The following DNAH5 variants were observed in gnomAD, a reference collection of about 807,000 sequenced individuals.
DNAH5 encodes dynein axonemal heavy chain 5, also known as axonemal beta dynein heavy chain 5.
A neutral mutation model predicts 518.2 loss-of-function variants in DNAH5; 372 were observed. The observed-to-expected ratio is 0.72, with a 90% CI of 0.66 to 0.78. The LOEUF (loss-of-function observed/expected upper bound fraction) is 0.78. Ranked by LOEUF, DNAH5 falls within the 30% of genes least tolerant of loss-of-function variation. DNAH5 has a pLI of 0.00. For synonymous variants in DNAH5, 2,039 were observed against 2,025.9 expected (o/e 1.01, Z -0.17); for missense variants, 5,523 against 5,687.0 (o/e 0.97, Z 0.93).
At chr5:13,837,387 G>T (rs143150853) in intron 35 of DNAH5, among the ~76,000 whole-genome samples, 1 of 152,158 alleles carries the variant, frequency 6.6e-6, no homozygotes, top group African/African-American at 2.4e-5. Flanking sequence ...ATATTTGTGT[G>T]TTGATGAAAA....
intron 1 of DNAH5, among the ~76,000 whole-genome samples, chr5:13,992,776 T>A (rs1361309370): frequency 1.3e-5 from 2 of 152,362 alleles, no homozygotes; most frequent in Non-Finnish European, 1.5e-5. Context: ...TGGCCATTTT[T>A]AAATCTTTAT....
At chr5:13,997,070 T>A (rs1342035770) in intron 1 of DNAH5, among the ~76,000 whole-genome samples, 1 of 152,230 alleles carries the variant, frequency 6.6e-6, no homozygotes, top group Non-Finnish European at 1.5e-5. Flanking sequence ...GTTAGCATCA[T>A]GAGGATACCA....
chr5:13,696,890 C>T (rs147931221), intron 78 of DNAH5, among the ~76,000 whole-genome samples: 17 of 152,200 alleles, frequency 1.1e-4, no homozygotes, highest in Middle Eastern at 3.4e-3. Context: ...TATTTTCTCC[C>T]TTACCTGCTG....
intron 59 of DNAH5, among the ~76,000 whole-genome samples, chr5:13,764,246 A>G (rs917773381): frequency 2.0e-5 from 3 of 152,240 alleles, no homozygotes. Context: ...TATTAGGGAA[A>G]ATATTAAGAA....
chr5:13,958,030 T>C (rs1276082152), intron 1 of DNAH5, among the ~76,000 whole-genome samples: 1 of 151,976 alleles, frequency 6.6e-6, no homozygotes, highest in African/African-American at 2.4e-5. Flanking sequence ...CATTCTCATA[T>C]TATTGAATAT....
At chr5:13,736,278 G>A (rs1561139820) in intron 66 of DNAH5, among the ~76,000 whole-genome samples, 1 of 152,158 alleles carries the variant, frequency 6.6e-6, no homozygotes, top group African/African-American at 2.4e-5. Context: ...TAGCCATTAG[G>A]GACCTCATCC....
intron 1 of DNAH5, among the ~76,000 whole-genome samples, chr5:13,936,893 C>A (rs544462101): frequency 1.3e-5 from 2 of 152,266 alleles, no homozygotes; most frequent in South Asian, 4.1e-4. Flanking sequence ...TCTGAGAGTT[C>A]TTTTGTGCCT....
rs565289195 is a variant in DNAH5, at chr5:13,859,699, C to G, written c.4797-94G>C. ...TTTTAAAAATCTTAATTTTTAACCG[C>G]TTTCTTTACAACCTTAATTATGTTG... On this transcript the variant is annotated intron_variant, in intron 29 of 78. Coordinates refer to ENST00000265104, the MANE Select transcript of DNAH5 (RefSeq NM_001369.3). The G allele has an allele frequency of 3.5e-6, 4 of 1,159,196 alleles. No individual in the cohort carries two copies. The Admixed American group carries it at 6.9e-5, about 20-fold the overall frequency. 71.8% of individuals were successfully genotyped at this position (1,159,196 alleles called of 1,614,324 possible). A position where few individuals can be genotyped will look rare whatever the true frequency, so the allele number is the denominator to read the frequency against.
rs1764972595 is a variant in DNAH5, at chr5:13,840,213, T to C, written c.5710-685A>G. Among the ~76,000 whole-genome samples the C allele has an allele frequency of 2.0e-5, 3 of 152,340 alleles. No individual in the cohort carries two copies. In the Middle Eastern group the frequency reaches 0.01, roughly 518 times the overall value. On this transcript the variant is annotated intron_variant, in intron 34 of 78. Coordinates refer to ENST00000265104, the MANE Select transcript of DNAH5 (RefSeq NM_001369.3). Reference sequence around the variant, plus strand: ...ATAGCTTTGATGTGCTGCCTTTACTTCCATTATATCAGGACCAATCTTTCA... The same window carrying C: ...ATAGCTTTGATGTGCTGCCTTTACTCCCATTATATCAGGACCAATCTTTCA...
chr5:13,702,050 T>A (rs145739691), intron 76 of DNAH5, among the ~76,000 whole-genome samples: 1 of 152,342 alleles, frequency 6.6e-6, no homozygotes, highest in African/African-American at 2.4e-5. Context: ...AACCCAAGAC[T>A]CTTTATCATC....
chr5:13,843,805 C>G lies in DNAH5; in HGVS notation c.5271+1032G>C, dbSNP rs145470227. 1.8e-4 allele frequency among the ~76,000 whole-genome samples: 28 copies of G among 152,332 alleles called. 1 individual carries two copies. The East Asian group carries it at 5.4e-3, about 29-fold the overall frequency. On this transcript the variant is annotated intron_variant, in intron 32 of 78. Coordinates refer to ENST00000265104, the MANE Select transcript of DNAH5 (RefSeq NM_001369.3). ...AAATTTATATTCTGCAGAAAGCCCT[C>G]CCGGACACCCCCATACAACCAGGTT... is the stretch of plus-strand genomic sequence containing the variant.
At chr5:13,775,537 G>T (rs933481804) in intron 55 of DNAH5, among the ~76,000 whole-genome samples, 3 of 152,138 alleles carry the variant, frequency 2.0e-5, no homozygotes, top group Non-Finnish European at 4.4e-5. Flanking sequence ...TAGACAGACA[G>T]ACAGACAGAC....
At chr5:13,821,015 T>C (rs923415827) in intron 40 of DNAH5, among the ~76,000 whole-genome samples, 2 of 152,132 alleles carry the variant, frequency 1.3e-5, no homozygotes, top group African/African-American at 2.4e-5. Flanking sequence ...GTAAGTGTGC[T>C]TAATTCTTCT....
chr5:13,840,154 G>A (rs1764967868), intron 34 of DNAH5, among the ~76,000 whole-genome samples: 1 of 152,188 alleles, frequency 6.6e-6, no homozygotes, highest in South Asian at 2.1e-4. Context: ...GGTAAGTAGT[G>A]TGCTTAACTA....
chr5:13,744,133 A>G (rs549391979), intron 65 of DNAH5, among the ~76,000 whole-genome samples: 15 of 152,218 alleles, frequency 9.9e-5, no homozygotes, highest in African/African-American at 3.1e-4. Context: ...TACATACACA[A>G]TGGAATACTA....
chr5:13,953,073 G>A lies in DNAH5; in HGVS notation c.13-21829C>T, dbSNP rs532821329. Among the ~76,000 whole-genome samples the A allele has an allele frequency of 2.6e-5, 4 of 152,292 alleles. No homozygotes were observed. In the East Asian group the frequency reaches 7.7e-4, roughly 29 times the overall value. Reference sequence around the variant, plus strand: ...GCTATTAATAAAATATTATTTTAGAGACCAAACATAAACTTCATTTCTCAT... The same window carrying A: ...GCTATTAATAAAATATTATTTTAGAAACCAAACATAAACTTCATTTCTCAT... On this transcript the variant is annotated intron_variant, in intron 1 of 78. Transcript: ENST00000681290.
chr5:13,801,540 G>A (rs1758747387), intron 47 of DNAH5, among the ~76,000 whole-genome samples: 1 of 152,170 alleles, frequency 6.6e-6, no homozygotes, highest in Admixed American at 6.5e-5. Context: ...ATGCATCCTT[G>A]TTCTGTTTCC....
intron 52 of DNAH5, among the ~76,000 whole-genome samples, chr5:13,781,288 G>A (rs373149489): frequency 9.7e-4 from 148 of 152,316 alleles, no homozygotes; most frequent in African/African-American, 3.4e-3. Flanking sequence ...ATTCCTGTTA[G>A]TTGGTCTGAC....
intron 75 of DNAH5, among the ~76,000 whole-genome samples, chr5:13,709,124 T>G (rs1743172403): frequency 6.6e-6 from 1 of 152,162 alleles, no homozygotes; most frequent in African/African-American, 2.4e-5. Flanking sequence ...AGGGACATTA[T>G]CCCCTTGACT....
Sources: gnomAD v4.1 joint callset for allele counts (sites outside exome capture counted in the v4.1 genomes callset) on GRCh38, gnomAD v4.1.1 for gene constraint, MANE v1.5 for transcripts, NCBI Gene and HGNC (gene_info 2026-07-23, HGNC 2026-07-21) for gene names.